The following SMAD6 variants were observed in gnomAD, a reference collection of about 807,000 sequenced individuals.
SMAD6 encodes the protein SMAD family member 6, also known as MAD homolog 6.
SMAD6 carries 103 observed loss-of-function variants against 39.4 expected under a neutral mutation model. The ratio of observed to expected loss-of-function variants is 2.62; its 90% confidence interval spans 2.23 to 3.08. The LOEUF is 3.08. SMAD6 is among the 30% of genes most tolerant of loss of function. The probability of loss-of-function intolerance (pLI) is 0.00; values close to 1 mark genes in which losing one functional copy is unlikely to be tolerated. For missense variants in SMAD6, 1,104 were observed against 742.9 expected (o/e 1.49, Z -5.65); for synonymous variants, 445 against 353.3 (o/e 1.26, Z -2.91).
chr15:66,717,818 TTCTGG>T (rs1169292411), intron 3 of SMAD6, among the ~76,000 whole-genome samples: 1 of 152,184 alleles, frequency 6.6e-6, no homozygotes, highest in Non-Finnish European at 1.5e-5. Context: ...CCTGAGTGCC[TTCTGG>T]TCTTTGGTGG....
At chr15:66,741,937 C>T (rs932045046) in intron 3 of SMAD6, among the ~76,000 whole-genome samples, 1 of 152,166 alleles carries the variant, frequency 6.6e-6, no homozygotes, top group Non-Finnish European at 1.5e-5. Flanking sequence ...CTGCTGACAG[C>T]ATCAGGTTTT....
chr15:66,767,025 A>G (rs1027590851), intron 3 of SMAD6, among the ~76,000 whole-genome samples: 36 of 152,232 alleles, frequency 2.4e-4, no homozygotes, highest in African/African-American at 8.7e-4. Flanking sequence ...CACAGGCTAA[A>G]GAATTACTCT....
At chr15:66,759,740 G>T (rs956698856) in intron 3 of SMAD6, among the ~76,000 whole-genome samples, 1 of 152,204 alleles carries the variant, frequency 6.6e-6, no homozygotes, top group Admixed American at 6.5e-5. Flanking sequence ...TACAGTCCTA[G>T]AGTTTGCACT....
At position 66,703,713 on chromosome 15, in the gene SMAD6, C is replaced by G; in HGVS notation, c.455C>G (p.Pro152Arg). ...CCCCTGGCCGGGGCGGCCCTGGAGC[C>G]GGCGGGCGGCGGGCGGAGTCGCGAA... The part of the protein sequence containing the change: ...SDPLAGAALE[P>R]AGGGRSREAR... Residue 152 changes from proline to arginine, a missense_variant, in exon 1 of 4, where the codon CCG (proline) becomes CGG (arginine). Transcript: ENST00000288840. 7.5e-7 allele frequency: 1 copy of G among 1,334,844 alleles called. No individual in the cohort carries two copies. The highest frequency in any genetic ancestry group is 9.7e-7 in the Non-Finnish European group (1 of 1,030,164). 82.7% of individuals were successfully genotyped at this position (1,334,844 alleles called of 1,614,324 possible).
intron 3 of SMAD6, among the ~76,000 whole-genome samples, chr15:66,732,975 G>C (rs1248933908): frequency 5.9e-5 from 9 of 151,828 alleles, no homozygotes; most frequent in Admixed American, 1.3e-4. Flanking sequence ...TATAATCCAT[G>C]TTGAGTTAAT....
intron 3 of SMAD6, among the ~76,000 whole-genome samples, chr15:66,748,936 C>T (rs1893952593): frequency 6.6e-6 from 1 of 152,206 alleles, no homozygotes. Flanking sequence ...ATCAGGAATT[C>T]AGATTAGAGA....
chr15:66,720,382 T>C (rs1893410632), intron 3 of SMAD6, among the ~76,000 whole-genome samples: 1 of 152,070 alleles, frequency 6.6e-6, no homozygotes, highest in Non-Finnish European at 1.5e-5. Flanking sequence ...ACAATGAACA[T>C]GTCATAAGGA....
intron 3 of SMAD6, among the ~76,000 whole-genome samples, chr15:66,749,159 T>C (rs767847857): frequency 6.6e-6 from 1 of 152,100 alleles, no homozygotes; most frequent in Non-Finnish European, 1.5e-5. Context: ...ACCCCGTCTC[T>C]ACAAAAAATA....
intron 3 of SMAD6, among the ~76,000 whole-genome samples, chr15:66,749,613 C>CAA (rs11431229): frequency 5.9e-5 from 9 of 151,830 alleles, no homozygotes; most frequent in African/African-American, 2.2e-4. Flanking sequence ...GATCCTACCT[C>CAA]AAAAAAACAA....
At chr15:66,719,280 C>T (rs1051520562) in intron 3 of SMAD6, among the ~76,000 whole-genome samples, 1 of 152,226 alleles carries the variant, frequency 6.6e-6, no homozygotes, top group African/African-American at 2.4e-5. Flanking sequence ...CCAAGCCAGA[C>T]CCTGGCAGGA....
intron 1 of SMAD6, among the ~76,000 whole-genome samples, 193 bp from the exon 2 acceptor site, chr15:66,711,475 G>T (rs1458968580): frequency 6.6e-6 from 1 of 152,220 alleles, no homozygotes; most frequent in Non-Finnish European, 1.5e-5. Context: ...CTGGGATTGA[G>T]CCCATATCTG....
At chr15:66,735,585 T>C (rs1437740166) in intron 3 of SMAD6, among the ~76,000 whole-genome samples, 2 of 152,126 alleles carry the variant, frequency 1.3e-5, no homozygotes, top group Admixed American at 6.5e-5. Flanking sequence ...ACAAAGTTTA[T>C]TGGGGGGCGT....
At chr15:66,755,899 G>A (rs1894088876) in intron 3 of SMAD6, among the ~76,000 whole-genome samples, 1 of 152,182 alleles carries the variant, frequency 6.6e-6, no homozygotes, top group South Asian at 2.1e-4. Flanking sequence ...CTCTTCTCTG[G>A]GCTGAGCTGG....
chr15:66,756,030 TAA>T (rs71455530), intron 3 of SMAD6, among the ~76,000 whole-genome samples: 4 of 145,662 alleles, frequency 2.7e-5, no homozygotes, highest in African/African-American at 5.0e-5. Flanking sequence ...TCATTTTGGT[TAA>T]AAAAAAAAAA....
chr15:66,736,125 G>A lies in SMAD6; in HGVS notation c.952+19627G>A, dbSNP rs529659736. Among the ~76,000 whole-genome samples, 74 of 152,184 alleles carry A rather than the reference G, an allele frequency of 4.9e-4. 1 individual carries two copies. The highest frequency in any genetic ancestry group is 1.7e-3 in the African/African-American group (71 of 41,500). ...GCATCTTGCTGCCTTCTTCCATCTC[G>A]GTGATTTCACCGATACCAATGGGGA... is the stretch of plus-strand genomic sequence containing the variant. On this transcript the variant is annotated intron_variant, in intron 3 of 3. Transcript: ENST00000288840.
chr15:66,749,613 C>G (rs1249307155), intron 3 of SMAD6, among the ~76,000 whole-genome samples: 1 of 151,712 alleles, frequency 6.6e-6, no homozygotes, highest in Non-Finnish European at 1.5e-5. Flanking sequence ...GATCCTACCT[C>G]AAAAAAACAA....
At chr15:66,724,070 A>G (rs919806260) in intron 3 of SMAD6, among the ~76,000 whole-genome samples, 3 of 152,220 alleles carry the variant, frequency 2.0e-5, no homozygotes, top group African/African-American at 7.2e-5. Context: ...AGTTAATACC[A>G]TATGTTCTAA....
At chr15:66,779,387 A>AG (rs1336402334) in intron 3 of SMAD6, among the ~76,000 whole-genome samples, 10 of 152,246 alleles carry the variant, frequency 6.6e-5, no homozygotes, top group African/African-American at 2.4e-4. Context: ...GAGGACTTGG[A>AG]TTACCCCCCA....
intron 2 of SMAD6, among the ~76,000 whole-genome samples, chr15:66,713,809 ATTG>A (rs1893277167): frequency 6.6e-6 from 1 of 152,018 alleles, no homozygotes. Context: ...TGGCCACCCT[ATTG>A]TTGTTCCAGA....
Sources: allele counts gnomAD v4.1 joint callset (sites outside exome capture counted in the v4.1 genomes callset), GRCh38; gene constraint gnomAD v4.1.1; transcripts MANE v1.5; gene names NCBI Gene and HGNC (gene_info 2026-07-23, HGNC 2026-07-21).